Variants in RPS6KC1 observed in about 807,000 individuals in gnomAD.
RPS6KC1 encodes ribosomal protein S6 kinase C1.
A neutral mutation model predicts 103.8 loss-of-function variants in RPS6KC1; 54 were observed. That is an observed-to-expected ratio of 0.52 (90% confidence interval 0.42 to 0.65). The LOEUF (loss-of-function observed/expected upper bound fraction) is 0.65, where lower values mean the gene tolerates loss of function less well. Among genes scored for constraint, RPS6KC1 ranks in the 30% least tolerant of loss-of-function variants. The probability of loss-of-function intolerance (pLI) is 0.00; values close to 1 mark genes in which losing one functional copy is unlikely to be tolerated. For synonymous variants in RPS6KC1, 439 were observed against 438.7 expected, an observed-to-expected ratio of 1.00 and a Z score of -0.01; for missense variants, 1,151 against 1,253.8, an observed-to-expected ratio of 0.92 and a Z score of 1.24.
intron 6 of RPS6KC1, among the ~76,000 whole-genome samples, chr1:213,163,961 G>A (rs76960153): frequency 0.033 from 5,016 of 152,162 alleles, 105 homozygotes; most frequent in Non-Finnish European, 0.048. Flanking sequence ...CCTGTGCTCT[G>A]TATTTTTCTT....
the RPS6KC1 span, among the ~76,000 whole-genome samples, chr1:213,558,634 A>C: frequency 6.6e-6 from 1 of 152,230 alleles, no homozygotes; most frequent in African/African-American, 2.4e-5. Flanking sequence ...TGTTAAAATA[A>C]GTTTAGACTG....
chr1:213,475,223 A>G, the RPS6KC1 span, among the ~76,000 whole-genome samples: 1 of 152,080 alleles, frequency 6.6e-6, no homozygotes, highest in Non-Finnish European at 1.5e-5. Context: ...TCTGACTTGG[A>G]GAAGATTTTT....
chr1:213,214,906 A>G (rs138016624), intron 8 of RPS6KC1, among the ~76,000 whole-genome samples: 2 of 152,218 alleles, frequency 1.3e-5, no homozygotes, highest in African/African-American at 4.8e-5. Context: ...CCAAAGGTAG[A>G]TAAAACCACA....
At chr1:213,079,619 C>G (rs1409953704) in intron 3 of RPS6KC1, among the ~76,000 whole-genome samples, 1 of 151,882 alleles carries the variant, frequency 6.6e-6, no homozygotes, top group Non-Finnish European at 1.5e-5. Flanking sequence ...GGTTTCACCA[C>G]ATTTCCCAGG....
intron 6 of RPS6KC1, among the ~76,000 whole-genome samples, chr1:213,151,504 G>C (rs565581065): frequency 8.5e-6 from 1 of 118,168 alleles, no homozygotes; most frequent in Non-Finnish European, 1.8e-5. Flanking sequence ...CGGACGGGGC[G>C]GCTGGACGGG....
the RPS6KC1 span, among the ~76,000 whole-genome samples, chr1:213,390,744 C>T: frequency 1.3e-5 from 2 of 152,158 alleles, no homozygotes; most frequent in South Asian, 2.1e-4. Flanking sequence ...CTATAGACCT[C>T]GTGTTTTGAG....
chr1:213,852,484 C>G, the RPS6KC1 span, among the ~76,000 whole-genome samples: 22 of 152,110 alleles, frequency 1.4e-4, no homozygotes, highest in South Asian at 4.2e-4. Context: ...TCAAAAATAA[C>G]CTACTACTTC....
chr1:213,441,232 A>G, the RPS6KC1 span, among the ~76,000 whole-genome samples: 1 of 152,210 alleles, frequency 6.6e-6, no homozygotes, highest in Non-Finnish European at 1.5e-5. Flanking sequence ...GTTTAAAAAC[A>G]TCGCTGATAT....
chr1:213,212,102 A>G (rs546127448), intron 8 of RPS6KC1, among the ~76,000 whole-genome samples: 16 of 152,198 alleles, frequency 1.1e-4, no homozygotes, highest in Admixed American at 1.0e-3. Context: ...TACAGTTCAT[A>G]GTTTATATTA....
the RPS6KC1 span, among the ~76,000 whole-genome samples, chr1:213,708,402 G>A: frequency 6.6e-6 from 1 of 152,178 alleles, no homozygotes; most frequent in East Asian, 1.9e-4. Flanking sequence ...CTGAGACTTT[G>A]CTGAAGTTGC....
At chr1:213,631,931 C>G in the RPS6KC1 span, among the ~76,000 whole-genome samples, 4 of 152,102 alleles carry the variant, frequency 2.6e-5, no homozygotes, top group Non-Finnish European at 5.9e-5. Flanking sequence ...TTTTCCTACC[C>G]CTGGCAAACA....
chr1:213,403,373 C>T, the RPS6KC1 span, among the ~76,000 whole-genome samples: 1,951 of 152,138 alleles, frequency 0.013, 39 homozygotes, highest in African/African-American at 0.044. Flanking sequence ...CAGGCTGTGT[C>T]GAGGACTCTC....
chr1:213,264,316 C>A (rs1335316624), intron 14 of RPS6KC1, among the ~76,000 whole-genome samples: 1 of 151,984 alleles, frequency 6.6e-6, no homozygotes, highest in Non-Finnish European at 1.5e-5. Context: ...TGAAGAGATA[C>A]ATAAAACATT....
the RPS6KC1 span, among the ~76,000 whole-genome samples, chr1:213,521,157 A>G: frequency 2.4e-4 from 36 of 152,316 alleles, no homozygotes; most frequent in African/African-American, 8.2e-4. Flanking sequence ...ACAACTGAAT[A>G]CTACAGGCAT....
chr1:213,722,654 T>G, the RPS6KC1 span, among the ~76,000 whole-genome samples: 1 of 151,962 alleles, frequency 6.6e-6, no homozygotes, highest in Non-Finnish European at 1.5e-5. Context: ...AGACCCAGAG[T>G]GAACAAGGGA....
chr1:213,367,157 T>C, the RPS6KC1 span, among the ~76,000 whole-genome samples: 2 of 152,226 alleles, frequency 1.3e-5, no homozygotes, highest in Non-Finnish European at 2.9e-5. Flanking sequence ...TCATGCATGT[T>C]CTAACTAATA....
chr1:213,511,730 T>C, the RPS6KC1 span, among the ~76,000 whole-genome samples: 1 of 152,218 alleles, frequency 6.6e-6, no homozygotes, highest in South Asian at 2.1e-4. Flanking sequence ...TTCTGGTTCA[T>C]AGTTGTTTCT....
At chr1:213,482,700 C>G in the RPS6KC1 span, among the ~76,000 whole-genome samples, 2 of 151,712 alleles carry the variant, frequency 1.3e-5, no homozygotes, top group East Asian at 3.9e-4. Flanking sequence ...AGGCATGCAC[C>G]ACCACGCCCA....
chr1:213,498,299 G>A, the RPS6KC1 span, among the ~76,000 whole-genome samples: 2 of 151,960 alleles, frequency 1.3e-5, no homozygotes, highest in South Asian at 4.2e-4. Flanking sequence ...ATACATTATG[G>A]CCAAGAATTT....
Sources: gnomAD v4.1 joint callset for allele counts (sites outside exome capture counted in the v4.1 genomes callset) on GRCh38, gnomAD v4.1.1 for gene constraint, MANE v1.5 for transcripts, NCBI Gene and HGNC (gene_info 2026-07-23, HGNC 2026-07-21) for gene names.